Variants in CDH12 observed in about 807,000 individuals in gnomAD.
CDH12 encodes the protein cadherin 12.
Under a neutral mutation model 74.1 loss-of-function variants are expected in CDH12, and 41 were observed. The observed-to-expected ratio is 0.55, with a 90% CI of 0.43 to 0.72. The LOEUF (loss-of-function observed/expected upper bound fraction) is 0.72, where lower values mean the gene tolerates loss of function less well. Ranked by LOEUF, CDH12 falls within the 30% of genes least tolerant of loss-of-function variation. CDH12 has a pLI of 0.00. For synonymous variants in CDH12, 399 were observed against 355.0 expected (o/e 1.12, Z -1.39); for missense variants, 945 against 977.2 (o/e 0.97, Z 0.44).
At chr5:22,536,556 G>A (rs945093259) in intron 1 of CDH12, among the ~76,000 whole-genome samples, 4 of 152,150 alleles carry the variant, frequency 2.6e-5, no homozygotes, top group African/African-American at 9.7e-5. Flanking sequence ...ATGCTAATAA[G>A]TGCTAATGTA....
At chr5:22,107,468 G>A (rs7447646) in intron 4 of CDH12, among the ~76,000 whole-genome samples, 1,749 of 56,798 alleles carry the variant, frequency 0.031, 29 homozygotes, top group African/African-American at 0.1. Flanking sequence ...GTGTATATAC[G>A]TATATACATA....
At chr5:21,963,356 T>C (rs1756446393) in intron 6 of CDH12, among the ~76,000 whole-genome samples, 1 of 152,080 alleles carries the variant, frequency 6.6e-6, no homozygotes, top group African/African-American at 2.4e-5. Flanking sequence ...AAAGAAATTA[T>C]CAACAAATAA....
At position 21,842,264 on chromosome 5, in the gene CDH12, G is replaced by T; in HGVS notation, c.711C>A (p.Ile237=). The T allele has an allele frequency of 6.2e-7, 1 of 1,613,302 alleles. No homozygotes were observed. The highest frequency in any genetic ancestry group is 8.5e-7 in the Non-Finnish European group (1 of 1,179,472). ...REVKEQYQVL[I]QAKDMGGQLG... is the part of the protein sequence containing the mutation. ...GCTGTCCTCCCATATCCTTGGCTTGGATGAGTACTTGATATTGTTCTTTGA... is the reference window on the plus strand; with the variant it reads ...GCTGTCCTCCCATATCCTTGGCTTGTATGAGTACTTGATATTGTTCTTTGA... Residue 237 remains isoleucine (I), a synonymous_variant, in exon 8 of 15, where the codon ATC becomes ATA. Transcript: ENST00000382254.
chr5:21,914,350 T>C (rs1412394255), intron 6 of CDH12, among the ~76,000 whole-genome samples: 3 of 152,160 alleles, frequency 2.0e-5, no homozygotes, highest in African/African-American at 7.2e-5. Flanking sequence ...TAATAGATGA[T>C]TTAACTGAGG....
intron 1 of CDH12, 52 bp from the exon 2 acceptor site, chr5:22,505,416 CATTT>C: frequency 1.6e-6 from 1 of 616,456 alleles, no homozygotes; most frequent in Non-Finnish European, 2.0e-6. Flanking sequence ...TTCTAATAAA[CATTT>C]ATTTTAGAAT....
intron 4 of CDH12, among the ~76,000 whole-genome samples, chr5:22,137,119 T>C (rs555182057): frequency 6.6e-6 from 1 of 152,022 alleles, no homozygotes; most frequent in African/African-American, 2.4e-5. Flanking sequence ...ACAGTTTCTA[T>C]TTCTAAGAGC....
At chr5:21,752,626 T>G (rs1353100196) in intron 14 of CDH12, among the ~76,000 whole-genome samples, 2 of 152,156 alleles carry the variant, frequency 1.3e-5, no homozygotes. Flanking sequence ...ACTTCCCAAT[T>G]GGAACATTCC....
intron 5 of CDH12, among the ~76,000 whole-genome samples, chr5:22,019,314 G>T (rs1024056452): frequency 6.6e-6 from 1 of 152,078 alleles, no homozygotes; most frequent in Non-Finnish European, 1.5e-5. Context: ...GAATTTTTAG[G>T]CATGATTTTT....
chr5:22,849,201 T>G (rs2126538560), intron 1 of CDH12, among the ~76,000 whole-genome samples: 1 of 152,198 alleles, frequency 6.6e-6, no homozygotes, highest in Middle Eastern at 3.4e-3. Flanking sequence ...TAATTCAAAT[T>G]AAATTAACAG....
rs183670832 is a variant in CDH12, at chr5:21,975,493, C to A, written c.232-108G>T. The A allele has an allele frequency of 5.0e-3, 3,403 of 683,780 alleles. 38 individuals carry two copies. The highest frequency in any genetic ancestry group is 4.0e-3 in the Non-Finnish European group (1,724 of 427,980). 42.4% of individuals were successfully genotyped at this position (683,780 alleles called of 1,614,324 possible). ...AAAGTCATAATTTGCAATACAATTC[C>A]TTTAATCAAAAATGTTAAATAAAAA... On this transcript the variant is annotated intron_variant, in intron 5 of 14. Coordinates refer to ENST00000382254, the MANE Select transcript of CDH12 (RefSeq NM_004061.5).
chr5:22,211,926 A>T (rs1751568936), intron 4 of CDH12, among the ~76,000 whole-genome samples: 1 of 152,156 alleles, frequency 6.6e-6, no homozygotes, highest in Non-Finnish European at 1.5e-5. Flanking sequence ...TATGAATGGT[A>T]CAATAAGTCT....
intron 1 of CDH12, among the ~76,000 whole-genome samples, chr5:22,533,825 A>T (rs1737702157): frequency 6.6e-6 from 1 of 152,208 alleles, no homozygotes; most frequent in African/African-American, 2.4e-5. Flanking sequence ...AGGAGTTTTT[A>T]GGTGATTGTT....
intron 1 of CDH12, among the ~76,000 whole-genome samples, chr5:22,817,035 G>C (rs556675743): frequency 6.6e-6 from 1 of 152,000 alleles, no homozygotes; most frequent in Non-Finnish European, 1.5e-5. Flanking sequence ...CATCTAAATT[G>C]ATCTCCCTAT....
At chr5:22,042,040 C>T (rs1010772548) in intron 5 of CDH12, among the ~76,000 whole-genome samples, 1 of 152,022 alleles carries the variant, frequency 6.6e-6, no homozygotes. Flanking sequence ...AAATCAACAA[C>T]ATACTCTTGA....
At chr5:22,792,936 T>G (rs2126389422) in intron 1 of CDH12, among the ~76,000 whole-genome samples, 1 of 152,336 alleles carries the variant, frequency 6.6e-6, no homozygotes, top group South Asian at 2.1e-4. Context: ...AGGTACCTCC[T>G]AGGTCCTCAA....
chr5:21,891,351 G>T (rs1398696364), intron 6 of CDH12, among the ~76,000 whole-genome samples: 3 of 151,950 alleles, frequency 2.0e-5, no homozygotes, highest in Non-Finnish European at 4.4e-5. Flanking sequence ...ATTCAACAAA[G>T]AAGTATTAAC....
chr5:22,401,157 C>T (rs928641609), intron 3 of CDH12, among the ~76,000 whole-genome samples: 3 of 152,142 alleles, frequency 2.0e-5, no homozygotes, highest in Non-Finnish European at 4.4e-5. Flanking sequence ...TCAACTTTTT[C>T]TGATTCTTTC....
chr5:22,432,681 T>C (rs1205803813), intron 2 of CDH12, among the ~76,000 whole-genome samples: 11 of 152,146 alleles, frequency 7.2e-5, no homozygotes, highest in Non-Finnish European at 1.6e-4. Context: ...CTGAAGTTTT[T>C]GACAATGTTT....
intron 3 of CDH12, among the ~76,000 whole-genome samples, chr5:22,230,762 C>T (rs1303721546): frequency 1.3e-5 from 2 of 152,054 alleles, no homozygotes; most frequent in Non-Finnish European, 2.9e-5. Flanking sequence ...AGCCACCTTG[C>T]CCAGCCCATA....
Sources: gnomAD v4.1 joint callset for allele counts (sites outside exome capture counted in the v4.1 genomes callset) on GRCh38, gnomAD v4.1.1 for gene constraint, MANE v1.5 for transcripts, NCBI Gene and HGNC (gene_info 2026-07-23, HGNC 2026-07-21) for gene names.